SEPTIN9: variants seen among roughly 807,000 people sequenced by gnomAD.
The protein encoded by SEPTIN9 is septin 9.
SEPTIN9 carries 13 observed loss-of-function variants against 56.6 expected under a neutral mutation model. That is an observed-to-expected ratio of 0.23 (90% CI 0.15 to 0.37). The LOEUF is 0.37. Ranked by LOEUF, SEPTIN9 falls within the 10% of genes least tolerant of loss-of-function variation. The pLI, the probability that SEPTIN9 is intolerant of heterozygous loss-of-function variation, is 1.00. For synonymous variants in SEPTIN9, 332 were observed against 334.1 expected (o/e 0.99, Z 0.07); for missense variants, 650 against 823.1 (o/e 0.79, Z 2.57).
intron 2 of SEPTIN9, among the ~76,000 whole-genome samples, chr17:77,309,897 C>A: frequency 6.6e-6 from 1 of 152,304 alleles, no homozygotes; most frequent in South Asian, 2.1e-4. Flanking sequence ...ACTCCTGCTG[C>A]GGTGCCCGCC....
intron 3 of SEPTIN9, among the ~76,000 whole-genome samples, chr17:77,430,181 CG>C (rs533596143): frequency 7.4e-4 from 112 of 152,128 alleles, no homozygotes; most frequent in African/African-American, 2.6e-3. Flanking sequence ...CCTTGCCTTG[CG>C]GGTGCTGGCC....
chr17:77,284,462 T>C (rs1244574051), intron 1 of SEPTIN9, among the ~76,000 whole-genome samples: 1 of 152,142 alleles, frequency 6.6e-6, no homozygotes, highest in African/African-American at 2.4e-5. Context: ...GAGGTAGTGG[T>C]AGTCTACAGG....
intron 2 of SEPTIN9, among the ~76,000 whole-genome samples, chr17:77,379,505 T>C (rs947754049): frequency 2.0e-5 from 3 of 152,080 alleles, no homozygotes; most frequent in African/African-American, 4.8e-5. Flanking sequence ...TGCCTACCCG[T>C]TGGGAGAGAG....
chr17:77,287,872 A>G, intron 1 of SEPTIN9: 1 of 1,029,714 alleles, frequency 9.7e-7, no homozygotes, highest in Non-Finnish European at 1.2e-6. Flanking sequence ...GGAATGTAAG[A>G]TGATCCCAGC....
intron 2 of SEPTIN9, among the ~76,000 whole-genome samples, chr17:77,366,108 T>A (rs2143875090): frequency 6.6e-6 from 1 of 152,254 alleles, no homozygotes; most frequent in East Asian, 1.9e-4. Context: ...AGGTACCAGC[T>A]GTGTGCTTTA....
intron 3 of SEPTIN9, among the ~76,000 whole-genome samples, chr17:77,461,396 G>A (rs1230937310): frequency 6.6e-6 from 1 of 152,198 alleles, no homozygotes; most frequent in African/African-American, 2.4e-5. Flanking sequence ...AGGAGCTGCA[G>A]AGAAGGTACC....
At chr17:77,457,927 A>G (rs369270687) in intron 3 of SEPTIN9, among the ~76,000 whole-genome samples, 2 of 152,298 alleles carry the variant, frequency 1.3e-5, no homozygotes, top group African/African-American at 4.8e-5. Context: ...ATGAGGTTTA[A>G]CCTAACTCTG....
rs1421375972 is a variant in SEPTIN9 at position 77,281,518 on chromosome 17, G to A, written c.-18G>A. Reference sequence around the variant, plus strand: ...CTCGCCGCCACACTTTCCTGGGAGCGGCGGCCACGGAGGCACCATGAAGAA... The same window carrying A: ...CTCGCCGCCACACTTTCCTGGGAGCAGCGGCCACGGAGGCACCATGAAGAA... On this transcript the variant is annotated 5_prime_UTR_variant, in exon 1 of 12. Coordinates refer to ENST00000427177, the MANE Select transcript of SEPTIN9 (RefSeq NM_001113491.2). 2 of 1,547,758 alleles carry A rather than the reference G, an allele frequency of 1.3e-6. No individual in the cohort carries two copies. The highest frequency in any genetic ancestry group is 2.0e-5 in the Admixed American group (1 of 51,130).
chr17:77,368,767 T>C (rs555056497), intron 2 of SEPTIN9, among the ~76,000 whole-genome samples: 1 of 152,368 alleles, frequency 6.6e-6, no homozygotes, highest in East Asian at 1.9e-4. Context: ...TAATTATATT[T>C]AAAACAAAAG....
At chr17:77,365,928 T>A (rs1345866342) in intron 2 of SEPTIN9, among the ~76,000 whole-genome samples, 1 of 152,118 alleles carries the variant, frequency 6.6e-6, no homozygotes, top group African/African-American at 2.4e-5. Flanking sequence ...TCAGCCCTCA[T>A]CCCTGCACTG....
chr17:77,455,011 C>T (rs2038134576), intron 3 of SEPTIN9, among the ~76,000 whole-genome samples: 2 of 151,458 alleles, frequency 1.3e-5, no homozygotes, highest in Non-Finnish European at 1.5e-5. Flanking sequence ...TCTGTCCTCC[C>T]CCTGGCCGGC....
chr17:77,453,955 C>A lies in SEPTIN9; in HGVS notation c.722-28189C>A. The A allele has an allele frequency of 2.8e-6, 2 of 703,910 alleles. No homozygotes were observed. Among genetic ancestry groups the A allele is most frequent in the Non-Finnish European group, 3.5e-6 (2 of 572,706 alleles). The allele number at this position is 703,910 out of a possible 1,614,324, so 43.6% of individuals were successfully genotyped here. The stretch of plus-strand genomic sequence containing the variant: ...CTCAAGGCCCCTTTAAGAAGCCTGT[C>A]ACCACCACCAGCAGCTTCCGTTATC... On this transcript the variant is annotated intron_variant, in intron 3 of 11. Coordinates refer to ENST00000427177, the MANE Select transcript of SEPTIN9 (RefSeq NM_001113491.2). This position sits in a 1 kb window ranked among gnomAD's most constrained non-coding sequence, Gnocchi z 4.4.
chr17:77,331,840 G>A (rs2033376599), intron 2 of SEPTIN9, among the ~76,000 whole-genome samples: 1 of 152,238 alleles, frequency 6.6e-6, no homozygotes, highest in Admixed American at 6.5e-5. Flanking sequence ...GCGGGGAAAG[G>A]GAGGGTTGGA....
At chr17:77,415,361 C>T (rs927112512) in intron 3 of SEPTIN9, among the ~76,000 whole-genome samples, 4 of 152,024 alleles carry the variant, frequency 2.6e-5, no homozygotes, top group Non-Finnish European at 4.4e-5. Flanking sequence ...AATCCCAGCA[C>T]TTTGGGAAGT....
At chr17:77,284,804 A>G (rs1376360611) in intron 1 of SEPTIN9, among the ~76,000 whole-genome samples, 1 of 151,564 alleles carries the variant, frequency 6.6e-6, no homozygotes, top group East Asian at 1.9e-4. Flanking sequence ...TAATTTTTAT[A>G]TTTTTACTAG....
rs1429413939 is a variant in SEPTIN9 at position 77,327,148 on chromosome 17, T to G, written c.76+19951T>G. Among the ~76,000 whole-genome samples, 1 of 151,950 alleles carries G rather than the reference T, an allele frequency of 6.6e-6. No individual in the cohort carries two copies. Among genetic ancestry groups the G allele is most frequent in the African/African-American group, 2.4e-5 (1 of 41,368 alleles). On this transcript the variant is annotated intron_variant, in intron 2 of 11. Transcript: ENST00000427177. The surrounding 1 kb of genome is among the most constrained non-coding windows in gnomAD (Gnocchi z 5.0). The stretch of plus-strand genomic sequence containing the variant: ...CAGCACTGGCTCTCATCTGCCGACC[T>G]TACCTCTGGCAATGCCTCCCTCTCC...
chr17:77,401,677 T>G (rs1356020500), intron 2 of SEPTIN9, among the ~76,000 whole-genome samples: 1 of 149,654 alleles, frequency 6.7e-6, no homozygotes, highest in Non-Finnish European at 1.5e-5. Context: ...ACCCGGGAGG[T>G]GCCGCTGCAC....
At chr17:77,428,248 A>G (rs560230652) in intron 3 of SEPTIN9, among the ~76,000 whole-genome samples, 1 of 152,356 alleles carries the variant, frequency 6.6e-6, no homozygotes, top group Admixed American at 6.5e-5. Flanking sequence ...TGCCTTGGAC[A>G]GAGCTCGGGG....
chr17:77,412,832 C>T (rs1365444780), intron 3 of SEPTIN9, among the ~76,000 whole-genome samples: 4 of 152,110 alleles, frequency 2.6e-5, no homozygotes, highest in Non-Finnish European at 5.9e-5. Flanking sequence ...CTACACAGAA[C>T]ATTTTAATCC....
Sources: allele counts gnomAD v4.1 joint callset (sites outside exome capture counted in the v4.1 genomes callset), GRCh38; gene constraint gnomAD v4.1.1; non-coding constraint Gnocchi (gnomAD v3.1); transcripts MANE v1.5; gene names NCBI Gene and HGNC (gene_info 2026-07-23, HGNC 2026-07-21).